Variants in GDPD4 observed in about 807,000 individuals in gnomAD.
GDPD4 encodes glycerophosphodiester phosphodiesterase 6.
Under a neutral mutation model 67.8 loss-of-function variants are expected in GDPD4, and 60 were observed. The ratio of observed to expected loss-of-function variants is 0.88; its 90% CI spans 0.72 to 1.10. The LOEUF is 1.10. Ranked by LOEUF, GDPD4 falls within the 50% of genes least tolerant of loss-of-function variation. The probability of loss-of-function intolerance (pLI) is 0.00; values close to 1 mark genes in which losing one functional copy is unlikely to be tolerated. For missense variants in GDPD4, 623 were observed against 613.9 expected, an observed-to-expected ratio of 1.01 and a Z score of -0.16; for synonymous variants, 212 against 210.9, an observed-to-expected ratio of 1.00 and a Z score of -0.04.
At chr11:77,271,085 G>T in intron 7 of GDPD4, 45 bp downstream of exon 7, 1 of 1,361,154 alleles carries the variant, frequency 7.3e-7, no homozygotes, top group African/African-American at 1.4e-5. Flanking sequence ...GCAAGCTAAA[G>T]CCAGAGCTGA....
chr11:77,217,271 A>C lies in GDPD4; in HGVS notation c.*6T>G, dbSNP rs1182582552. On this transcript the variant is annotated 3_prime_UTR_variant, in exon 17 of 17. Coordinates refer to ENST00000315938, the MANE Select transcript of GDPD4 (RefSeq NM_182833.3). The stretch of plus-strand genomic sequence containing the variant: ...AGGTTTCATGGCTATGTGCAAATCT[A>C]TCTATCTATCTATCTTCCTCATTCT... 1 of 1,600,580 alleles carries C rather than the reference A, an allele frequency of 6.2e-7. No homozygotes were observed. Among genetic ancestry groups the C allele is most frequent in the Non-Finnish European group, 8.6e-7 (1 of 1,167,936 alleles).
intron 13 of GDPD4, among the ~76,000 whole-genome samples, chr11:77,234,678 C>T (rs1019314067): frequency 1.2e-4 from 19 of 152,182 alleles, no homozygotes; most frequent in African/African-American, 4.6e-4. Context: ...GACATGATTT[C>T]ATTCTTTCTT....
intron 16 of GDPD4, chr11:77,224,424 T>G (rs1159662972): frequency 6.6e-6 from 1 of 152,186 alleles, no homozygotes. Context: ...TTACATTACA[T>G]AGACTTCATC....
chr11:77,295,084 C>T (rs1215369125), intron 1 of GDPD4, among the ~76,000 whole-genome samples: 1 of 151,226 alleles, frequency 6.6e-6, no homozygotes, highest in Non-Finnish European at 1.5e-5. Context: ...CTTGCCTCAG[C>T]CTCTTGAGTA....
chr11:77,255,522 C>T (rs560612460), intron 11 of GDPD4, among the ~76,000 whole-genome samples: 1 of 151,988 alleles, frequency 6.6e-6, no homozygotes, highest in Non-Finnish European at 1.5e-5. Context: ...CGAGATCATG[C>T]CACTGCACTC....
In GDPD4 at chr11:77,268,489, T is replaced by A; in HGVS notation, c.675A>T (p.Gly225=). Residue 225 remains glycine (G), a synonymous_variant, in exon 10 of 17, where the codon GGA becomes GGT. Transcript: ENST00000315938. ...MMSFEKAVEH[G]AHGLETDIHL... The stretch of plus-strand genomic sequence containing the variant: ...GTATATCAGTCTCCAATCCATGGGC[T>A]CCATGTTCAACAGCTTTCTCAAAGG... 6.2e-7 allele frequency: 1 copy of A among 1,613,294 alleles called. No individual in the cohort carries two copies. The highest frequency in any genetic ancestry group is 8.5e-7 in the Non-Finnish European group (1 of 1,179,396).
At chr11:77,219,368 C>T (rs973993849) in intron 16 of GDPD4, among the ~76,000 whole-genome samples, 12 of 152,300 alleles carry the variant, frequency 7.9e-5, no homozygotes, top group East Asian at 1.9e-4. Flanking sequence ...TTTTGCTGTG[C>T]AGAAGCTCTT....
intron 12 of GDPD4, among the ~76,000 whole-genome samples, chr11:77,244,142 A>G (rs575268344): frequency 4.6e-5 from 7 of 152,248 alleles, no homozygotes; most frequent in Non-Finnish European, 8.8e-5. Flanking sequence ...CAGCCTCCCA[A>G]GTAGCTGGGA....
chr11:77,264,727 G>A (rs1339469013), intron 10 of GDPD4, among the ~76,000 whole-genome samples: 6 of 152,080 alleles, frequency 3.9e-5, no homozygotes, highest in Non-Finnish European at 8.8e-5. Flanking sequence ...AAACAAAGGG[G>A]AGAACTGAGA....
At chr11:77,268,822 T>G in intron 9 of GDPD4, 102 bp downstream of exon 9, 1 of 1,208,284 alleles carries the variant, frequency 8.3e-7, no homozygotes, top group Non-Finnish European at 1.2e-6. Flanking sequence ...CTTAATGCAA[T>G]CACTTTTTCT....
chr11:77,277,270 C>T lies in GDPD4; in HGVS notation c.148-1050G>A, dbSNP rs192159425. Among the ~76,000 whole-genome samples the T allele has an allele frequency of 2.6e-3, 397 of 151,806 alleles. 10 individuals carry two copies. Among genetic ancestry groups the T allele is most frequent in the Admixed American group, 0.023 (346 of 15,240 alleles). On this transcript the variant is annotated intron_variant, in intron 4 of 16. Transcript: ENST00000315938. The stretch of plus-strand genomic sequence containing the variant: ...TAATTGGTCTCTCTGCCCATAGCCA[C>T]CCTCCAAACCACAACATCAAGAATA...
intron 16 of GDPD4, among the ~76,000 whole-genome samples, chr11:77,219,756 G>GTAAA (rs1458569345): frequency 6.6e-6 from 1 of 151,680 alleles, no homozygotes; most frequent in Non-Finnish European, 1.5e-5. Flanking sequence ...TTTGGTACCA[G>GTAAA]TACCATGCTG....
chr11:77,248,241 C>T (rs1179419017), intron 11 of GDPD4, among the ~76,000 whole-genome samples: 6 of 147,296 alleles, frequency 4.1e-5, no homozygotes, highest in African/African-American at 1.3e-4. Flanking sequence ...CCTGTTCTGT[C>T]GCCCAGGCTG....
rs746497286 is a variant in GDPD4 at position 77,257,087 on chromosome 11, CTT to C, written c.864+1297_864+1298del. ...TCCACCAGTACACAATCAAAAATCC[CTT>C]TTCTTTTCCTAATTACACTACTACC... On this transcript the variant is annotated intron_variant, in intron 11 of 16. Coordinates refer to ENST00000315938, the MANE Select transcript of GDPD4 (RefSeq NM_182833.3). Among the ~76,000 whole-genome samples, 23 of 152,230 alleles carry C rather than the reference CTT, an allele frequency of 1.5e-4. No individual in the cohort carries two copies. In the East Asian group the frequency reaches 4.2e-3, roughly 28 times the overall value.
intron 1 of GDPD4, among the ~76,000 whole-genome samples, chr11:77,294,407 T>C (rs1179073767): frequency 1.3e-5 from 2 of 152,162 alleles, no homozygotes; most frequent in Admixed American, 6.5e-5. Flanking sequence ...TAGGTATAAA[T>C]CTAACAAAAT....
chr11:77,232,284 A>G (rs1193133784), intron 14 of GDPD4, among the ~76,000 whole-genome samples: 2 of 152,258 alleles, frequency 1.3e-5, no homozygotes, highest in Admixed American at 6.5e-5. Flanking sequence ...AAAGGCCTAC[A>G]TCACAGACCA....
intron 10 of GDPD4, among the ~76,000 whole-genome samples, chr11:77,267,156 G>C (rs1195262077): frequency 1.3e-5 from 2 of 152,108 alleles, no homozygotes; most frequent in African/African-American, 4.8e-5. Flanking sequence ...ACCTACCATT[G>C]TTCTGCAATT....
intron 10 of GDPD4, among the ~76,000 whole-genome samples, chr11:77,265,769 G>A (rs1461971646): frequency 6.6e-6 from 1 of 152,114 alleles, no homozygotes; most frequent in Admixed American, 6.6e-5. Context: ...ATACAGAAAA[G>A]TAAATATACA....
At chr11:77,225,152 C>T (rs1430699083) in intron 16 of GDPD4, among the ~76,000 whole-genome samples, 3 of 151,692 alleles carry the variant, frequency 2.0e-5, no homozygotes, top group Admixed American at 6.6e-5. Context: ...AGAATCTATC[C>T]AAAAATAAAG....
Sources: gnomAD v4.1 joint callset for allele counts (sites outside exome capture counted in the v4.1 genomes callset) on GRCh38, gnomAD v4.1.1 for gene constraint, MANE v1.5 for transcripts, NCBI Gene and HGNC (gene_info 2026-07-23, HGNC 2026-07-21) for gene names.